The following CHSY1 variants were observed in gnomAD, a reference collection of about 807,000 sequenced individuals.
The protein encoded by CHSY1 is chondroitin sulfate synthase 1.
A neutral mutation model predicts 59.8 loss-of-function variants in CHSY1; 13 were observed. The ratio of observed to expected loss-of-function variants is 0.22; its 90% CI spans 0.14 to 0.35. The LOEUF is 0.35. CHSY1 is among the 10% of genes least tolerant of loss of function. CHSY1 has a pLI of 1.00. For missense variants in CHSY1, 947 were observed against 1,030.6 expected (o/e 0.92, Z 1.11); for synonymous variants, 459 against 401.2 (o/e 1.14, Z -1.72).
chr15:101,228,267 G>C (rs577008107), intron 2 of CHSY1, among the ~76,000 whole-genome samples: 1 of 151,988 alleles, frequency 6.6e-6, no homozygotes, highest in Non-Finnish European at 1.5e-5. Context: ...ACAGCATGAC[G>C]GGCATTCCAA....
chr15:101,235,675 G>T, intron 1 of CHSY1, 98 bp from the exon 2 acceptor site: 1 of 1,375,630 alleles, frequency 7.3e-7, no homozygotes, highest in Non-Finnish European at 1.0e-6. Context: ...GTGTTCAATG[G>T]AATGATAAAA....
In CHSY1 at chr15:101,177,961, C is replaced by T; in HGVS notation, c.1836G>A (p.Leu612=). The T allele has an allele frequency of 6.2e-7, 1 of 1,614,162 alleles. No homozygotes were observed. Among genetic ancestry groups the T allele is most frequent in the Non-Finnish European group, 8.5e-7 (1 of 1,180,022 alleles). Residue 612 remains leucine (L), a synonymous_variant, in exon 3 of 3, where the codon CTG becomes CTA. Transcript: ENST00000254190. ...ACTGGGAGGATCCTACTTCCAGGGC[C>T]AGGGCTCTTGAAAACTCTCCAGACA... ...LPVSGEFSRA[L]ALEVGSSQFN... is the part of the protein sequence containing the mutation.
In CHSY1 at chr15:101,177,518, T is replaced by A. The variant is rs1225945295; in HGVS notation, c.2279A>T (p.Tyr760Phe). 1.2e-6 allele frequency: 2 copies of A among 1,613,704 alleles called. No homozygotes were observed. Among genetic ancestry groups the A allele is most frequent in the East Asian group, 2.2e-5 (1 of 44,872 alleles). Residue 760 changes from tyrosine to phenylalanine, a missense_variant, in exon 3 of 3, where the codon TAC becomes TTC. Physicochemically the swap from Tyr to Phe is conservative, Grantham distance 22 (BLOSUM62 3). This residue lies in a region of CHSY1 where 602 missense variants were observed against 676.9 expected (regional missense o/e 0.89). Coordinates refer to ENST00000254190, the MANE Select transcript of CHSY1 (RefSeq NM_014918.5). Reference protein sequence around the residue: ...FCDPNLDPKQYKMCLGSKAST... With the variant: ...FCDPNLDPKQFKMCLGSKAST... ...TGCTTTGGACCCCAAGCACATTTTG[T>A]ACTGTTTGGGGTCAAGATTGGGATC...
intron 2 of CHSY1, among the ~76,000 whole-genome samples, chr15:101,200,582 G>A (rs1310009865): frequency 6.6e-6 from 1 of 152,162 alleles, no homozygotes; most frequent in East Asian, 1.9e-4. Flanking sequence ...AAGAACACCT[G>A]CCAGCCCCTG....
rs577569646 is a variant in CHSY1, at chr15:101,235,466, C to T, written c.432G>A (p.Pro144=). The T allele has an allele frequency of 2.6e-5, 42 of 1,614,116 alleles. No individual in the cohort carries two copies. The highest frequency in any genetic ancestry group is 1.3e-4 in the East Asian group (6 of 44,882). The change falls in exon 2 of 3, where the codon CCG becomes CCA. Residue 144 remains proline, a synonymous_variant. Coordinates refer to ENST00000254190, the MANE Select transcript of CHSY1 (RefSeq NM_014918.5). The stretch of plus-strand genomic sequence containing the variant: ...GCATCATGAAGGACTTCTTCTGGGG[C>T]GGGTAGGAGTCGTCCACACCCCGTA... ...VPLRGVDDSY[P]PQKKSFMMLK...
At chr15:101,228,146 T>G (rs2038858776) in intron 2 of CHSY1, among the ~76,000 whole-genome samples, 1 of 151,738 alleles carries the variant, frequency 6.6e-6, no homozygotes, top group Non-Finnish European at 1.5e-5. Context: ...AATGAAAATA[T>G]CACAACAGAG....
chr15:101,178,752 T>C lies in CHSY1; in HGVS notation c.1045A>G (p.Ile349Val), dbSNP rs754629376. 4 of 1,614,236 alleles carry C rather than the reference T, an allele frequency of 2.5e-6. No individual in the cohort carries two copies. Among genetic ancestry groups the C allele is most frequent in the South Asian group, 1.1e-5 (1 of 91,088 alleles). The part of the protein sequence containing the change: ...VLMSKYSNTE[I>V]HKEDLQLGIP... The stretch of plus-strand genomic sequence containing the variant: ...CCCAGCTGGAGGTCCTCTTTATGAA[T>C]TTCTGTGTTGCTGTATTTGCTCATC... Residue 349 changes from isoleucine (I) to valine (V), a missense_variant, in exon 3 of 3, where the codon ATT (isoleucine) becomes GTT (valine). Coordinates refer to ENST00000254190, the MANE Select transcript of CHSY1 (RefSeq NM_014918.5).
rs565598177 is a variant in CHSY1, at chr15:101,236,685, C to A, written c.321-1108G>T. 5.9e-4 allele frequency among the ~76,000 whole-genome samples: 89 copies of A among 152,056 alleles called. No homozygotes were observed. The Middle Eastern group carries it at 0.01, about 17-fold the overall frequency. On this transcript the variant is annotated intron_variant, in intron 1 of 2. Transcript: ENST00000254190. ...AAATACAAAAACAAAATTAGCCGTGCGTGCTGGCGGGCGCCTGTAGTCCCA... is the reference window on the plus strand; with the variant it reads ...AAATACAAAAACAAAATTAGCCGTGAGTGCTGGCGGGCGCCTGTAGTCCCA...
rs66876912 is a variant in CHSY1, at chr15:101,234,930, AT to A, written c.816+151del. On this transcript the variant is annotated intron_variant, in intron 2 of 2. Transcript: ENST00000254190. ...AGAAAAGGTAATAAAGGGGAACTGA[AT>A]TTTTTTTTTAATCTAAGGCTAAAAA... 0.23 allele frequency: 214,190 copies of A among 913,518 alleles called. 29,217 individuals carry two copies. Among genetic ancestry groups the A allele is most frequent in the African/African-American group, 0.62 (37,146 of 59,824 alleles). 56.6% of individuals were successfully genotyped at this position (913,518 alleles called of 1,614,324 possible). A position where few individuals can be genotyped will look rare whatever the true frequency, so the allele number is the denominator to read the frequency against.
chr15:101,237,880 A>T (rs1015634491), intron 1 of CHSY1, among the ~76,000 whole-genome samples: 20 of 152,254 alleles, frequency 1.3e-4, no homozygotes, highest in African/African-American at 4.8e-4. Context: ...ATGTTCTTTC[A>T]AATATTTTTT....
intron 2 of CHSY1, among the ~76,000 whole-genome samples, chr15:101,230,224 G>A (rs1401654479): frequency 2.6e-5 from 4 of 152,030 alleles, no homozygotes; most frequent in South Asian, 2.1e-4. Context: ...CGCCACGCCC[G>A]GCCCTAATAC....
At chr15:101,226,048 A>T (rs2038838901) in intron 2 of CHSY1, among the ~76,000 whole-genome samples, 1 of 152,276 alleles carries the variant, frequency 6.6e-6, no homozygotes, top group Non-Finnish European at 1.5e-5. Flanking sequence ...ATAATCACAG[A>T]TCCAAAGCAA....
intron 2 of CHSY1, among the ~76,000 whole-genome samples, chr15:101,227,967 A>G (rs2038857137): frequency 6.6e-6 from 1 of 152,226 alleles, no homozygotes; most frequent in South Asian, 2.1e-4. Flanking sequence ...CATTTAAATA[A>G]TAGTAAGTAA....
At chr15:101,181,707 G>A (rs541218389) in intron 2 of CHSY1, among the ~76,000 whole-genome samples, 123 of 152,318 alleles carry the variant, frequency 8.1e-4, no homozygotes, top group African/African-American at 2.6e-3. Context: ...ACACATTGGA[G>A]ACTTATGGCT....
At chr15:101,183,480 T>C (rs984396579) in intron 2 of CHSY1, among the ~76,000 whole-genome samples, 1 of 152,202 alleles carries the variant, frequency 6.6e-6, no homozygotes, top group African/African-American at 2.4e-5. Context: ...CAGTGTAGAA[T>C]TCTCTTCCCA....
chr15:101,178,972 C>T lies in CHSY1; in HGVS notation c.825G>A (p.Gln275=). 6.2e-7 allele frequency: 1 copy of T among 1,613,966 alleles called. No individual in the cohort carries two copies. The highest frequency in any genetic ancestry group is 2.2e-5 in the East Asian group (1 of 44,884). The stretch of plus-strand genomic sequence containing the variant: ...TCTGCTCGTAATTCTCATAAAAAAG[C>T]TGCTGCATCTGTTACAGGAAAAAAA... ...VQCVWSYEMQ[Q]LFYENYEQNK... is the part of the protein sequence containing the mutation. The change falls in exon 3 of 3, where the codon CAG becomes CAA. Residue 275 remains glutamine, a synonymous_variant. Transcript: ENST00000254190.
intron 2 of CHSY1, among the ~76,000 whole-genome samples, chr15:101,186,389 G>C (rs1376445234): frequency 6.6e-6 from 1 of 152,060 alleles, no homozygotes; most frequent in Non-Finnish European, 1.5e-5. Flanking sequence ...CAATTTTCTT[G>C]TAACAGAAAT....
intron 2 of CHSY1, among the ~76,000 whole-genome samples, chr15:101,216,931 T>G (rs1337230522): frequency 6.6e-6 from 1 of 152,192 alleles, no homozygotes; most frequent in Non-Finnish European, 1.5e-5. Flanking sequence ...CAGGATGGAA[T>G]GCAGAGTGTG....
chr15:101,234,950 C>A lies in CHSY1; in HGVS notation c.816+132G>T, dbSNP rs1034454794. 4.1e-6 allele frequency: 5 copies of A among 1,205,698 alleles called. No individual in the cohort carries two copies. In the African/African-American group the frequency reaches 7.5e-5, roughly 18 times the overall value. The allele number at this position is 1,205,698 out of a possible 1,614,324, so 74.7% of individuals were successfully genotyped here. On this transcript the variant is annotated intron_variant, in intron 2 of 2. Transcript: ENST00000254190. ...ACTGAATTTTTTTTTTAATCTAAGG[C>A]TAAAAATGTAGAATAATACCAACTT... is the stretch of plus-strand genomic sequence containing the variant.
Sources: gnomAD v4.1 joint callset for allele counts (sites outside exome capture counted in the v4.1 genomes callset) on GRCh38, gnomAD v4.1.1 for gene constraint, gnomAD v4.1.1 regional missense constraint, MANE v1.5 for transcripts, NCBI Gene and HGNC (gene_info 2026-07-23, HGNC 2026-07-21) for gene names.